TMPRSS6: variants seen among roughly 807,000 people sequenced by gnomAD.
The protein encoded by TMPRSS6 is transmembrane protease serine 6.
A neutral mutation model predicts 101.5 loss-of-function variants in TMPRSS6; 67 were observed. The observed-to-expected ratio is 0.66, with a 90% CI of 0.54 to 0.81. TMPRSS6 has a LOEUF of 0.81. TMPRSS6 is among the 30% of genes least tolerant of loss of function. The pLI, the probability that TMPRSS6 is intolerant of heterozygous loss-of-function variation, is 0.00. For synonymous variants in TMPRSS6, 453 were observed against 464.9 expected (o/e 0.97, Z 0.33); for missense variants, 1,034 against 1,088.7 (o/e 0.95, Z 0.71).
At chr22:37,082,682 C>A in intron 10 of TMPRSS6, 1 of 320,148 alleles carries the variant, frequency 3.1e-6, no homozygotes, top group Non-Finnish European at 6.1e-6. Flanking sequence ...CATCACTGAA[C>A]CAGCATGTCA....
intron 8 of TMPRSS6, 87 bp downstream of exon 8, chr22:37,086,196 G>C: frequency 6.3e-7 from 1 of 1,579,746 alleles, no homozygotes. Context: ...CTCAATTTGG[G>C]CAAAAAAGGT....
Position 37,096,643 on chromosome 22 carries a change from C to T in TMPRSS6, c.404+5G>A. 6.4e-7 allele frequency: 1 copy of T among 1,560,774 alleles called. No individual in the cohort carries two copies. The highest frequency in any genetic ancestry group is 8.7e-7 in the Non-Finnish European group (1 of 1,151,492). ...AGGAGCTGGTCAGGGGCAAGGACAA[C>T]TCACCCAAAGGAATAGACGGAGCTG... On this transcript the variant is annotated splice_donor_5th_base_variant and intron_variant, in intron 4 of 17. Transcript: ENST00000676104.
chr22:37,106,920 C>T (rs747532970), intron 1 of TMPRSS6, among the ~76,000 whole-genome samples: 2 of 152,192 alleles, frequency 1.3e-5, no homozygotes, highest in Admixed American at 6.5e-5. Context: ...GTTAAGCTGC[C>T]CCCTCCCCTG....
Position 37,070,933 on chromosome 22 carries a change from G to T in TMPRSS6, c.1655C>A (p.Ser552Ter), listed in dbSNP as rs143441292. 3.2e-5 allele frequency: 52 copies of T among 1,613,012 alleles called. No homozygotes were observed. Among genetic ancestry groups the T allele is most frequent in the Middle Eastern group, 1.6e-4 (1 of 6,066 alleles). The stretch of plus-strand genomic sequence containing the variant: ...GGGCTCACCACAGTGCTCCTCATCC[G>T]AGCCGTCCCTGCAGTCGGGCCGCCC... The part of the protein sequence containing the change: ...CDGRPDCRDG[S>*]DEEHCDCGLQ... Residue 552 changes from serine to a stop codon, truncating the protein, a stop_gained, in exon 14 of 18, where the codon TCG (serine) becomes TAG (stop). Coordinates refer to ENST00000676104, the MANE Select transcript of TMPRSS6 (RefSeq NM_001374504.1). LOFTEE classifies it high-confidence loss of function.
chr22:37,074,786 C>A (rs571221688), intron 11 of TMPRSS6, 78 bp from the exon 12 acceptor site: 1 of 1,444,644 alleles, frequency 6.9e-7, no homozygotes, highest in Non-Finnish European at 9.6e-7. Context: ...CACAAAGACA[C>A]GCATGCACCT....
intron 6 of TMPRSS6, among the ~76,000 whole-genome samples, chr22:37,093,153 G>T (rs944373853): frequency 6.6e-6 from 1 of 152,114 alleles, no homozygotes; most frequent in Admixed American, 6.5e-5. Context: ...TGCCCCCTGA[G>T]ACTCTGTGCT....
Position 37,069,165 on chromosome 22 carries a change from G to GCGGC in TMPRSS6, c.2017_2020dup (p.Ala674GlyfsTer80), listed in dbSNP as rs1171037425. ...CGCGGGCAGGCAGACGGGGCGCACGGCGGCCGAGCGCACCACCGGGTGGTC... is the reference window on the plus strand; with the variant it reads ...CGCGGGCAGGCAGACGGGGCGCACGGCGGCCGGCCGAGCGCACCACCGGGTGGTC... On this transcript the variant is annotated frameshift_variant, in exon 16 of 18. Coordinates refer to ENST00000676104, the MANE Select transcript of TMPRSS6 (RefSeq NM_001374504.1). LOFTEE classifies it high-confidence loss of function. This position sits in a 1 kb window ranked among gnomAD's most constrained non-coding sequence, Gnocchi z 4.8. 1.9e-6 allele frequency: 3 copies of GCGGC among 1,583,084 alleles called. No homozygotes were observed. In the African/African-American group the frequency reaches 4.0e-5, roughly 21 times the overall value.
At chr22:37,095,629 C>CAAAAAAAAAAAAAAAAAAACAAAAAA in intron 5 of TMPRSS6, 37 bp from the exon 6 acceptor site, 1 of 1,176,576 alleles carries the variant, frequency 8.5e-7, no homozygotes, top group South Asian at 1.6e-5. Flanking sequence ...TAAACAAGAA[C>CAAAAAAAAAAAAAAAAAAACAAAAAA]AAAAAAAAAA....
intron 8 of TMPRSS6, among the ~76,000 whole-genome samples, chr22:37,085,116 G>A (rs757290349): frequency 3.1e-4 from 47 of 152,188 alleles, no homozygotes; most frequent in Non-Finnish European, 4.6e-4. Flanking sequence ...TGATATTTGC[G>A]GGACAGCACT....
At chr22:37,098,636 C>T in intron 2 of TMPRSS6, 87 bp from the exon 3 acceptor site, 1 of 1,592,914 alleles carries the variant, frequency 6.3e-7, no homozygotes, top group Non-Finnish European at 8.6e-7. Context: ...GCCACCCACA[C>T]CCTCAGCTCA....
rs1376035632 is a variant in TMPRSS6 at position 37,066,127 on chromosome 22, T to C, written c.2362A>G (p.Thr788Ala). Residue 788 changes from threonine to alanine, a missense_variant, in exon 18 of 18, where the codon ACC becomes GCC. Physicochemically the swap from Thr to Ala is moderately conservative, Grantham distance 58 (BLOSUM62 0). Coordinates refer to ENST00000676104, the MANE Select transcript of TMPRSS6 (RefSeq NM_001374504.1). ...CGRPNYFGVYTRITGVISWIQ... is the reference protein window; with the variant it reads ...CGRPNYFGVYARITGVISWIQ... ...CAGCTGATCACACCTGTGATGCGGG[T>C]GTAGACGCCGAAGTAGTTAGGCCGG... is the stretch of plus-strand genomic sequence containing the variant. 1 of 1,613,206 alleles carries C rather than the reference T, an allele frequency of 6.2e-7. No homozygotes were observed. Among genetic ancestry groups the C allele is most frequent in the African/African-American group, 1.3e-5 (1 of 74,864 alleles).
intron 1 of TMPRSS6, among the ~76,000 whole-genome samples, chr22:37,108,473 C>T (rs191071532): frequency 8.5e-5 from 13 of 152,130 alleles, no homozygotes; most frequent in Non-Finnish European, 1.6e-4. Context: ...AAGCAGTCCC[C>T]CAGCTCTGAG....
chr22:37,097,328 C>G (rs974866311), intron 3 of TMPRSS6, among the ~76,000 whole-genome samples: 23 of 152,150 alleles, frequency 1.5e-4, no homozygotes, highest in African/African-American at 5.6e-4. Flanking sequence ...TTCTGGGAAA[C>G]AGTAGTTGGG....
chr22:37,073,609 G>A lies in TMPRSS6; in HGVS notation c.1478C>T (p.Thr493Ile). The A allele has an allele frequency of 1.2e-6, 2 of 1,614,070 alleles. No individual in the cohort carries two copies. The highest frequency in any genetic ancestry group is 1.1e-5 in the South Asian group (1 of 91,080). Residue 493 changes from threonine to isoleucine, a missense_variant, in exon 13 of 18, where the codon ACA (threonine) becomes ATA (isoleucine). Coordinates refer to ENST00000676104, the MANE Select transcript of TMPRSS6 (RefSeq NM_001374504.1). ...ACAGACCTTGGGCAGTGAGATGCAT[G>A]TGCTGTCCTCTTTGCACTGGAATGT... Reference protein sequence around the residue: ...RATFQCKEDSTCISLPKVCDG... With the variant: ...RATFQCKEDSICISLPKVCDG...
chr22:37,098,691 A>G (rs990457291), intron 2 of TMPRSS6, 142 bp from the exon 3 acceptor site: 8 of 1,105,546 alleles, frequency 7.2e-6, no homozygotes, highest in Admixed American at 1.8e-5. Context: ...TGTCATCATC[A>G]TCATCTTTGT....
chr22:37,073,213 T>C (rs748609291), intron 13 of TMPRSS6, among the ~76,000 whole-genome samples: 21 of 151,618 alleles, frequency 1.4e-4, no homozygotes, highest in African/African-American at 4.1e-4. Context: ...TATAGACCAG[T>C]AGTCAGCCAA....
chr22:37,103,591 G>C lies in TMPRSS6; in HGVS notation c.-1-173C>G. ...CCGAGACAGCTCACAGAGGAGGGAA[G>C]TGCATCTCAGGTCAGCTCGCACCAG... On this transcript the variant is annotated intron_variant, in intron 1 of 17. Coordinates refer to ENST00000676104, the MANE Select transcript of TMPRSS6 (RefSeq NM_001374504.1). The surrounding 1 kb of genome is among the most constrained non-coding windows in gnomAD (Gnocchi z 4.4). 2.5e-6 allele frequency: 4 copies of C among 1,612,092 alleles called. No individual in the cohort carries two copies. Among genetic ancestry groups the C allele is most frequent in the Non-Finnish European group, 2.5e-6 (3 of 1,179,458 alleles).
intron 17 of TMPRSS6, 135 bp downstream of exon 17, chr22:37,066,691 G>T: frequency 8.5e-7 from 1 of 1,182,850 alleles, no homozygotes; most frequent in Non-Finnish European, 1.2e-6. Context: ...CTTCTGTAAA[G>T]TAGGGGTGGC....
intron 10 of TMPRSS6, 35 bp downstream of exon 10, chr22:37,084,260 G>A (rs775947065): frequency 3.8e-6 from 6 of 1,566,810 alleles, no homozygotes; most frequent in Non-Finnish European, 5.3e-6. Flanking sequence ...GGGGGAGGGA[G>A]GAAAGGAAGC....
Sources: gnomAD v4.1 joint callset for allele counts (sites outside exome capture counted in the v4.1 genomes callset) on GRCh38, gnomAD v4.1.1 for gene constraint, Gnocchi (gnomAD v3.1) non-coding constraint, MANE v1.5 for transcripts, NCBI Gene and HGNC (gene_info 2026-07-23, HGNC 2026-07-21) for gene names.